The following CENPP variants were observed in gnomAD, a reference collection of about 807,000 sequenced individuals.
CENPP encodes the protein centromere protein P.
Under a neutral mutation model 35.6 loss-of-function variants are expected in CENPP, and 24 were observed. The ratio of observed to expected loss-of-function variants is 0.67; its 90% CI spans 0.49 to 0.95. The LOEUF is 0.95. Ranked by LOEUF, CENPP falls within the 40% of genes least tolerant of loss-of-function variation. The pLI, the probability that CENPP is intolerant of heterozygous loss-of-function variation, is 0.00. For synonymous variants in CENPP, 120 were observed against 125.5 expected (o/e 0.96, Z 0.29); for missense variants, 332 against 345.3 (o/e 0.96, Z 0.31).
At chr9:92,355,021 G>C (rs1365181632) in intron 4 of CENPP, among the ~76,000 whole-genome samples, 1 of 152,122 alleles carries the variant, frequency 6.6e-6, no homozygotes, top group Non-Finnish European at 1.5e-5. Flanking sequence ...GTCCAACAAA[G>C]ATCACAAGGC....
At chr9:92,481,568 T>TAA (rs1215390733) in intron 5 of CENPP, among the ~76,000 whole-genome samples, 2 of 152,222 alleles carry the variant, frequency 1.3e-5, no homozygotes. Context: ...TTAAATTTTT[T>TAA]AATCTAAAAT....
At chr9:92,514,600 A>G in intron 5 of CENPP, 2 of 1,534,638 alleles carry the variant, frequency 1.3e-6, no homozygotes, top group South Asian at 2.6e-5. Context: ...CTTTTAAAGC[A>G]CAAAATAAAG....
chr9:92,445,497 C>T (rs1174444899), intron 5 of CENPP, among the ~76,000 whole-genome samples: 2 of 152,114 alleles, frequency 1.3e-5, no homozygotes, highest in Non-Finnish European at 2.9e-5. Flanking sequence ...TTAAAATGGA[C>T]TGTAGTGATG....
At chr9:92,472,268 A>G (rs1383435277) in intron 5 of CENPP, among the ~76,000 whole-genome samples, 1 of 152,034 alleles carries the variant, frequency 6.6e-6, no homozygotes, top group African/African-American at 2.4e-5. Flanking sequence ...GAGTCAGGAG[A>G]ATCGCTTGAA....
chr9:92,606,720 A>G (rs1026515150), intron 5 of CENPP, among the ~76,000 whole-genome samples: 6 of 152,308 alleles, frequency 3.9e-5, no homozygotes, highest in African/African-American at 1.4e-4. Flanking sequence ...CTTGGCCAAC[A>G]TGGTGAAACC....
intron 5 of CENPP, among the ~76,000 whole-genome samples, chr9:92,570,158 A>G (rs1276580943): frequency 6.6e-6 from 1 of 152,124 alleles, no homozygotes; most frequent in Non-Finnish European, 1.5e-5. Flanking sequence ...GTCTTGTGCC[A>G]GTTTTCAAAG....
chr9:92,497,874 T>TAA (rs71362393), intron 5 of CENPP, among the ~76,000 whole-genome samples: 1 of 134,882 alleles, frequency 7.4e-6, no homozygotes, highest in Non-Finnish European at 1.6e-5. Flanking sequence ...GCTGGTTGTT[T>TAA]AAAAAAAAAA....
intron 5 of CENPP, among the ~76,000 whole-genome samples, chr9:92,601,047 G>C (rs1039761660): frequency 6.6e-6 from 1 of 152,172 alleles, no homozygotes; most frequent in Non-Finnish European, 1.5e-5. Context: ...GCAGACGTGT[G>C]TGTCGCTAGG....
intron 5 of CENPP, among the ~76,000 whole-genome samples, chr9:92,437,977 T>G (rs190478224): frequency 9.4e-4 from 141 of 150,678 alleles, no homozygotes; most frequent in Admixed American, 4.6e-3. Flanking sequence ...CTGGCTAATT[T>G]TTTTATTGTT....
intron 5 of CENPP, among the ~76,000 whole-genome samples, chr9:92,520,998 G>C (rs1359422630): frequency 6.6e-6 from 1 of 152,160 alleles, no homozygotes; most frequent in African/African-American, 2.4e-5. Flanking sequence ...CCTTTTGGTG[G>C]GACGAAAATG....
At chr9:92,421,291 C>T (rs1444065489) in intron 5 of CENPP, among the ~76,000 whole-genome samples, 4 of 152,222 alleles carry the variant, frequency 2.6e-5, no homozygotes, top group Non-Finnish European at 2.9e-5. Flanking sequence ...CTGCCCCCCT[C>T]AGCCTCCCAA....
chr9:92,578,842 T>A (rs2131363794), intron 5 of CENPP, among the ~76,000 whole-genome samples: 1 of 152,328 alleles, frequency 6.6e-6, no homozygotes, highest in Middle Eastern at 3.4e-3. Context: ...TTGTTGCCAT[T>A]GCTTTTGGTG....
chr9:92,520,273 A>G (rs895546677), intron 5 of CENPP, among the ~76,000 whole-genome samples: 7 of 151,632 alleles, frequency 4.6e-5, no homozygotes, highest in Non-Finnish European at 1.0e-4. Context: ...GCAGAGCAAG[A>G]CCCCATCTCT....
At chr9:92,360,987 G>T (rs900376092) in intron 4 of CENPP, among the ~76,000 whole-genome samples, 1 of 151,870 alleles carries the variant, frequency 6.6e-6, no homozygotes. Context: ...GATTACAGGC[G>T]TGAGCCCCCG....
intron 5 of CENPP, among the ~76,000 whole-genome samples, chr9:92,530,440 T>A (rs1848675879): frequency 6.6e-6 from 1 of 152,238 alleles, no homozygotes; most frequent in South Asian, 2.1e-4. Flanking sequence ...AGTAGTCATT[T>A]TATGCCAATA....
chr9:92,415,104 A>T, intron 5 of CENPP: 1 of 1,343,122 alleles, frequency 7.4e-7, no homozygotes, highest in Non-Finnish European at 1.0e-6. Flanking sequence ...TTACTATATT[A>T]AGTATAGGTT....
At chr9:92,427,490 T>G (rs575149648) in intron 5 of CENPP, among the ~76,000 whole-genome samples, 9 of 148,444 alleles carry the variant, frequency 6.1e-5, no homozygotes, top group Non-Finnish European at 1.0e-4. Flanking sequence ...ATTTAAGTAT[T>G]TATTTTTGAG....
chr9:92,486,233 A>G (rs112861856), intron 5 of CENPP, among the ~76,000 whole-genome samples: 6,020 of 152,250 alleles, frequency 0.04, 151 homozygotes, highest in Middle Eastern at 0.075. Flanking sequence ...GTAAATATGC[A>G]TAACATAGGG....
chr9:92,442,266 C>A (rs1024843250), intron 5 of CENPP, among the ~76,000 whole-genome samples: 1 of 151,418 alleles, frequency 6.6e-6, no homozygotes. Context: ...AGCGTGGTGG[C>A]GCATGCCTGT....
Sources: gnomAD v4.1 joint callset for allele counts (sites outside exome capture counted in the v4.1 genomes callset) on GRCh38, gnomAD v4.1.1 for gene constraint, MANE v1.5 for transcripts, NCBI Gene and HGNC (gene_info 2026-07-23, HGNC 2026-07-21) for gene names.